The following NBEA variants were observed in gnomAD, a reference collection of about 807,000 sequenced individuals.
The protein encoded by NBEA is lysosomal-trafficking regulator 2.
A neutral mutation model predicts 343.4 loss-of-function variants in NBEA; 44 were observed. The observed-to-expected ratio is 0.13, with a 90% CI of 0.10 to 0.16. The LOEUF (loss-of-function observed/expected upper bound fraction) is 0.16. Among genes scored for constraint, NBEA ranks in the 10% least tolerant of loss-of-function variants. The probability of loss-of-function intolerance (pLI) is 1.00; values close to 1 mark genes in which losing one functional copy is unlikely to be tolerated. For missense variants in NBEA, 2,555 were observed against 3,631.3 expected (o/e 0.70, Z 7.62); for synonymous variants, 1,175 against 1,238.7 (o/e 0.95, Z 1.08).
At chr13:35,511,204 A>T (rs1439648640) in intron 41 of NBEA, among the ~76,000 whole-genome samples, 1 of 152,172 alleles carries the variant, frequency 6.6e-6, no homozygotes, top group Non-Finnish European at 1.5e-5. Context: ...ATATTTATTC[A>T]CATAGTCAGC....
intron 52 of NBEA, 38 bp from the exon 53 acceptor site, chr13:35,651,767 A>T: frequency 7.9e-7 from 1 of 1,262,172 alleles, no homozygotes; most frequent in Non-Finnish European, 1.1e-6. Flanking sequence ...CTTTCTGAGA[A>T]TTTTATGTTA....
At chr13:35,525,826 C>G (rs1424130073) in intron 41 of NBEA, among the ~76,000 whole-genome samples, 1 of 152,050 alleles carries the variant, frequency 6.6e-6, no homozygotes, top group African/African-American at 2.4e-5. Flanking sequence ...ATACATGGTG[C>G]CTTGTTGCTG....
chr13:35,299,003 C>T (rs996202360), intron 35 of NBEA, among the ~76,000 whole-genome samples: 13 of 151,912 alleles, frequency 8.6e-5, no homozygotes, highest in Admixed American at 2.0e-4. Context: ...AAAAAATTCT[C>T]GTCTCTATTT....
chr13:35,567,495 A>G (rs1267605030), intron 45 of NBEA, among the ~76,000 whole-genome samples: 1 of 152,216 alleles, frequency 6.6e-6, no homozygotes, highest in Non-Finnish European at 1.5e-5. Context: ...AAAATGGTGC[A>G]TAACGGTAAT....
intron 34 of NBEA, among the ~76,000 whole-genome samples, chr13:35,271,004 C>A (rs552491688): frequency 6.6e-6 from 1 of 152,350 alleles, no homozygotes; most frequent in Non-Finnish European, 1.5e-5. Context: ...TGGTTCCCCC[C>A]AGCATGGCAT....
At chr13:35,575,035 G>A (rs1294011914) in intron 45 of NBEA, among the ~76,000 whole-genome samples, 3 of 152,126 alleles carry the variant, frequency 2.0e-5, no homozygotes, top group African/African-American at 4.8e-5. Flanking sequence ...CCACCATGCG[G>A]CCAAGTGCTA....
intron 13 of NBEA, among the ~76,000 whole-genome samples, chr13:35,113,916 C>T (rs1483579456): frequency 2.6e-5 from 4 of 152,116 alleles, no homozygotes; most frequent in African/African-American, 7.2e-5. Context: ...ATCATTATTT[C>T]GATGCTCAAG....
intron 47 of NBEA, among the ~76,000 whole-genome samples, chr13:35,597,858 G>C (rs2081877910): frequency 1.3e-5 from 2 of 152,176 alleles, no homozygotes; most frequent in Admixed American, 1.3e-4. Context: ...GAATAAGGAA[G>C]AGTAGACACG....
At chr13:35,463,204 C>T (rs946392164) in intron 40 of NBEA, among the ~76,000 whole-genome samples, 18 of 152,180 alleles carry the variant, frequency 1.2e-4, no homozygotes, top group African/African-American at 4.1e-4. Context: ...CCTATGCTTA[C>T]GAGTCAGGAA....
At chr13:35,121,116 T>A (rs1593412776) in intron 16 of NBEA, among the ~76,000 whole-genome samples, 2 of 152,128 alleles carry the variant, frequency 1.3e-5, no homozygotes, top group Non-Finnish European at 2.9e-5. Context: ...TTTAATTTTT[T>A]AATTTTTTTT....
At chr13:35,153,444 C>T (rs78086812) in intron 18 of NBEA, among the ~76,000 whole-genome samples, 4,323 of 152,194 alleles carry the variant, frequency 0.028, 95 homozygotes, top group South Asian at 0.075. Context: ...TGAAGTTGCA[C>T]CTAGCAATGT....
intron 41 of NBEA, among the ~76,000 whole-genome samples, chr13:35,515,565 C>G (rs1378957142): frequency 1.3e-5 from 2 of 152,112 alleles, no homozygotes. Flanking sequence ...ATGGTTTTTT[C>G]CATGCATTGC....
intron 41 of NBEA, among the ~76,000 whole-genome samples, chr13:35,479,855 A>C (rs1273105220): frequency 1.3e-5 from 2 of 152,160 alleles, no homozygotes; most frequent in Non-Finnish European, 2.9e-5. Flanking sequence ...AGGCATGCAG[A>C]CATCTTTGAC....
intron 36 of NBEA, among the ~76,000 whole-genome samples, chr13:35,338,815 A>G (rs1385719296): frequency 6.6e-6 from 1 of 152,128 alleles, no homozygotes. Context: ...AATGGGATTT[A>G]TTCCAGGAAT....
At chr13:35,361,132 C>T (rs1233400076) in intron 38 of NBEA, among the ~76,000 whole-genome samples, 2 of 152,052 alleles carry the variant, frequency 1.3e-5, no homozygotes, top group Admixed American at 1.3e-4. Flanking sequence ...CAATATGTTA[C>T]ATATAATAGG....
intron 48 of NBEA, among the ~76,000 whole-genome samples, chr13:35,608,116 T>C (rs2082357865): frequency 6.6e-6 from 1 of 152,194 alleles, no homozygotes; most frequent in African/African-American, 2.4e-5. Context: ...TAACGTACTT[T>C]ATTTTAGAAA....
intron 38 of NBEA, among the ~76,000 whole-genome samples, chr13:35,387,702 G>T (rs893471743): frequency 6.6e-6 from 1 of 152,006 alleles, no homozygotes; most frequent in Non-Finnish European, 1.5e-5. Flanking sequence ...GGTATTGATT[G>T]TGAAGTTCCT....
At chr13:35,049,593 C>T (rs2062992644) in intron 5 of NBEA, among the ~76,000 whole-genome samples, 1 of 151,766 alleles carries the variant, frequency 6.6e-6, no homozygotes. Context: ...AAATAAGCAT[C>T]TGAACTTCCA....
At chr13:35,507,334 C>G (rs545319887) in intron 41 of NBEA, among the ~76,000 whole-genome samples, 2 of 151,854 alleles carry the variant, frequency 1.3e-5, no homozygotes, top group Non-Finnish European at 2.9e-5. Flanking sequence ...TACAATTACT[C>G]TCCTGGTAAT....
Sources: gnomAD v4.1 joint callset for allele counts (sites outside exome capture counted in the v4.1 genomes callset) on GRCh38, gnomAD v4.1.1 for gene constraint, MANE v1.5 for transcripts, NCBI Gene and HGNC (gene_info 2026-07-23, HGNC 2026-07-21) for gene names.